The following TDRD10 variants were observed in gnomAD, a reference collection of about 807,000 sequenced individuals.
TDRD10 encodes tudor domain containing 10, also known as tudor domain-containing protein 10.
In TDRD10, 40 loss-of-function variants were observed where a neutral mutation model predicts 48.0. That is an observed-to-expected ratio of 0.83 (90% CI 0.65 to 1.09). The LOEUF (loss-of-function observed/expected upper bound fraction) is 1.09, where lower values mean the gene tolerates loss of function less well. Among genes scored for constraint, TDRD10 ranks in the 50% least tolerant of loss-of-function variants. The pLI, the probability that TDRD10 is intolerant of heterozygous loss-of-function variation, is 0.00. For synonymous variants in TDRD10, 162 were observed against 170.4 expected (o/e 0.95, Z 0.38); for missense variants, 378 against 434.7 (o/e 0.87, Z 1.16).
intron 6 of TDRD10, among the ~76,000 whole-genome samples, chr1:154,539,968 A>G (rs1695131220): frequency 6.6e-6 from 1 of 152,178 alleles, no homozygotes; most frequent in Non-Finnish European, 1.5e-5. Context: ...GGCCCAAGGT[A>G]TGAGCCTGGT....
intron 6 of TDRD10, among the ~76,000 whole-genome samples, chr1:154,523,329 C>G (rs1052832303): frequency 6.6e-6 from 1 of 152,192 alleles, no homozygotes; most frequent in African/African-American, 2.4e-5. Context: ...GCGCTGTCCC[C>G]CAGTCTTTGC....
intron 4 of TDRD10, among the ~76,000 whole-genome samples, chr1:154,512,544 A>G (rs555365032): frequency 3.3e-5 from 5 of 152,226 alleles, no homozygotes; most frequent in African/African-American, 1.2e-4. Context: ...GGGTTTCTCC[A>G]TGATGGTCAG....
At chr1:154,507,681 G>A (rs72698167) in intron 3 of TDRD10, among the ~76,000 whole-genome samples, 18,481 of 152,180 alleles carry the variant, frequency 0.12, 1,403 homozygotes, top group South Asian at 0.18. Context: ...CCCAGCCAGT[G>A]GAATAAACTG....
At chr1:154,540,298 G>T (rs1299899889) in intron 6 of TDRD10, among the ~76,000 whole-genome samples, 1 of 152,064 alleles carries the variant, frequency 6.6e-6, no homozygotes, top group African/African-American at 2.4e-5. Context: ...GTGTCTTGGA[G>T]GAGGAGGTAG....
At position 154,521,320 on chromosome 1, in the gene TDRD10, C is replaced by G. The variant is rs1694043386; in HGVS notation, c.213-3C>G. The G allele has an allele frequency of 4.3e-6, 7 of 1,613,874 alleles. No homozygotes were observed. The highest frequency in any genetic ancestry group is 4.2e-6 in the Non-Finnish European group (5 of 1,179,930). On this transcript the variant is annotated splice_polypyrimidine_tract_variant and splice_region_variant and intron_variant, in intron 5 of 12. Coordinates refer to ENST00000368482, the MANE Select transcript of TDRD10 (RefSeq NM_182499.4). ...AGCCTCCCTCTCTCTCTTCCCTTTT[C>G]AGCTTTGCATTTGTAGATCTGGGCT...
intron 4 of TDRD10, among the ~76,000 whole-genome samples, chr1:154,515,834 C>G (rs562322606): frequency 6.6e-6 from 1 of 152,220 alleles, no homozygotes; most frequent in African/African-American, 2.4e-5. Flanking sequence ...CCTGCCTCAG[C>G]CTCCTAAGTA....
intron 4 of TDRD10, chr1:154,509,757 G>A (rs965520871): frequency 1.5e-5 from 15 of 968,790 alleles, no homozygotes; most frequent in East Asian, 2.3e-4. Context: ...CCTGATAGAC[G>A]AGCCTACTAG....
At chr1:154,544,631 A>G in intron 10 of TDRD10, 114 bp downstream of exon 10, 1 of 1,485,068 alleles carries the variant, frequency 6.7e-7, no homozygotes, top group Non-Finnish European at 9.0e-7. Context: ...TCTTCTCTCA[A>G]AATCATCTTT....
At chr1:154,510,428 T>C (rs1393522002) in intron 4 of TDRD10, among the ~76,000 whole-genome samples, 1 of 151,238 alleles carries the variant, frequency 6.6e-6, no homozygotes, top group Non-Finnish European at 1.5e-5. Context: ...CCGTCTCTAC[T>C]AAAAATACAA....
intron 6 of TDRD10, 129 bp from the exon 7 acceptor site, chr1:154,541,895 C>A: frequency 1.2e-6 from 1 of 821,996 alleles, no homozygotes; most frequent in Non-Finnish European, 1.9e-6. Context: ...CAAAAGTCAG[C>A]TCTAAAGTCG....
chr1:154,521,533 G>T, intron 6 of TDRD10, 54 bp downstream of exon 6: 1 of 1,579,090 alleles, frequency 6.3e-7, no homozygotes, highest in Non-Finnish European at 8.6e-7. Flanking sequence ...CCTTTAGAGC[G>T]TGGCTGACTT....
At chr1:154,545,957 T>G in intron 11 of TDRD10, among the ~76,000 whole-genome samples, 1 of 121,916 alleles carries the variant, frequency 8.2e-6, no homozygotes, top group African/African-American at 3.2e-5. Context: ...TTTTTTTTAG[T>G]AGAGATGGGG....
At chr1:154,533,298 T>A (rs1160681162) in intron 6 of TDRD10, among the ~76,000 whole-genome samples, 2 of 151,924 alleles carry the variant, frequency 1.3e-5, no homozygotes, top group African/African-American at 4.8e-5. Flanking sequence ...AAGCTTTCTG[T>A]CTTCCTAGCC....
chr1:154,503,916 C>T (rs1173695339), intron 1 of TDRD10, among the ~76,000 whole-genome samples: 3 of 152,168 alleles, frequency 2.0e-5, no homozygotes, highest in Non-Finnish European at 4.4e-5. Context: ...TTTAAGTGTG[C>T]ACCTCAAGTG....
chr1:154,539,911 T>G (rs1695128840), intron 6 of TDRD10, among the ~76,000 whole-genome samples: 2 of 152,162 alleles, frequency 1.3e-5, no homozygotes, highest in African/African-American at 4.8e-5. Context: ...GCCAGCCACT[T>G]GGAAGACCAG....
chr1:154,542,383 A>G (rs1329181766), intron 7 of TDRD10, among the ~76,000 whole-genome samples: 1 of 152,180 alleles, frequency 6.6e-6, no homozygotes, highest in East Asian at 1.9e-4. Flanking sequence ...GTGCATCGCC[A>G]TGCCTGGCTA....
Position 154,541,877 on chromosome 1 carries a change from G to C in TDRD10, c.370-147G>C, listed in dbSNP as rs114416648. The C allele has an allele frequency of 5.1e-3, 3,433 of 676,346 alleles. 80 individuals carry two copies. The African/African-American group carries it at 0.055, about 11-fold the overall frequency. 41.9% of individuals were successfully genotyped at this position (676,346 alleles called of 1,614,324 possible). ...TGCCGTGAGGATGGAGAGAGTGGAC[G>C]GATGTCTCAAAAGTCAGCTCTAAAG... is the stretch of plus-strand genomic sequence containing the variant. On this transcript the variant is annotated intron_variant, in intron 6 of 12. Transcript: ENST00000368482.
At chr1:154,532,329 G>A (rs1694675950) in intron 6 of TDRD10, among the ~76,000 whole-genome samples, 1 of 152,216 alleles carries the variant, frequency 6.6e-6, no homozygotes, top group African/African-American at 2.4e-5. Context: ...CGCAGCTGCT[G>A]GCCTGGGTGC....
intron 6 of TDRD10, among the ~76,000 whole-genome samples, chr1:154,535,138 G>A (rs532069416): frequency 6.6e-6 from 1 of 152,264 alleles, no homozygotes; most frequent in East Asian, 1.9e-4. Flanking sequence ...AGGCCGAGGT[G>A]GGCGGATCAC....
Sources: gnomAD v4.1 joint callset for allele counts (sites outside exome capture counted in the v4.1 genomes callset) on GRCh38, gnomAD v4.1.1 for gene constraint, MANE v1.5 for transcripts, NCBI Gene and HGNC (gene_info 2026-07-23, HGNC 2026-07-21) for gene names.